RANBP2: variants seen among roughly 807,000 people sequenced by gnomAD.
RANBP2 encodes the protein E3 SUMO-protein ligase RanBP2.
A neutral mutation model predicts 303.6 loss-of-function variants in RANBP2; 57 were observed. That is an observed-to-expected ratio of 0.19 (90% confidence interval 0.15 to 0.23). RANBP2 has a LOEUF of 0.23. RANBP2 is among the 10% of genes least tolerant of loss of function. The pLI, the probability that RANBP2 is intolerant of heterozygous loss-of-function variation, is 1.00. For missense variants in RANBP2, 3,138 were observed against 3,780.8 expected, an observed-to-expected ratio of 0.83 and a Z score of 4.46; for synonymous variants, 1,167 against 1,301.5, an observed-to-expected ratio of 0.90 and a Z score of 2.23.
chr2:109,605,077 C>T, the RANBP2 span: 2 of 152,276 alleles, frequency 1.3e-5, no homozygotes, highest in South Asian at 2.1e-4. Flanking sequence ...AACAAATATA[C>T]GTGGCCCAGT....
the RANBP2 span, among the ~76,000 whole-genome samples, chr2:109,025,378 T>C: frequency 3.3e-5 from 5 of 152,356 alleles, no homozygotes; most frequent in African/African-American, 9.6e-5. Context: ...GGAGTTTCTA[T>C]TCTTTTTATG....
In RANBP2 at chr2:108,766,377, A is replaced by C; in HGVS notation, c.5838A>C (p.Thr1946=). ...VIFGQTSSTF[T]FADLAKSTSG... is the part of the protein sequence containing the mutation. The stretch of plus-strand genomic sequence containing the variant: ...TTGGCCAAACAAGTAGCACTTTTAC[A>C]TTTGCAGATCTTGCAAAATCAACTT... The change falls in exon 20 of 29, where the codon ACA becomes ACC. Residue 1946 remains threonine (T), a synonymous_variant. Transcript: ENST00000283195. The C allele has an allele frequency of 1.9e-6, 3 of 1,611,996 alleles. No individual in the cohort carries two copies. Among genetic ancestry groups the C allele is most frequent in the Non-Finnish European group, 2.5e-6 (3 of 1,179,850 alleles).
At chr2:108,937,707 ATGTGTGTGTATG>A in the RANBP2 span, among the ~76,000 whole-genome samples, 3 of 148,886 alleles carry the variant, frequency 2.0e-5, no homozygotes, top group Non-Finnish European at 4.4e-5. Context: ...GTGTGAGTGT[ATGTGTGTGTATG>A]TGTGTGTGTA....
chr2:109,688,150 G>A, the RANBP2 span, among the ~76,000 whole-genome samples: 3 of 152,094 alleles, frequency 2.0e-5, no homozygotes, highest in Admixed American at 1.3e-4. Flanking sequence ...TGGAGTGTAC[G>A]TTCTGTTTGG....
At chr2:109,559,478 CCTTT>C in the RANBP2 span, among the ~76,000 whole-genome samples, 3 of 152,166 alleles carry the variant, frequency 2.0e-5, no homozygotes, top group Non-Finnish European at 4.4e-5. Context: ...GAAGAATCTC[CCTTT>C]CTAATTTCCC....
chr2:109,188,385 G>A, the RANBP2 span, among the ~76,000 whole-genome samples: 1 of 152,200 alleles, frequency 6.6e-6, no homozygotes, highest in Non-Finnish European at 1.5e-5. Context: ...GGGTTGCATG[G>A]GAGGCTGCTG....
the RANBP2 span, among the ~76,000 whole-genome samples, chr2:109,284,350 A>C: frequency 6.6e-6 from 1 of 152,258 alleles, no homozygotes; most frequent in African/African-American, 2.4e-5. Flanking sequence ...GATAGCAACC[A>C]AAATTATCAG....
the RANBP2 span, among the ~76,000 whole-genome samples, chr2:109,443,153 C>T: frequency 3.3e-5 from 5 of 152,232 alleles, no homozygotes; most frequent in Admixed American, 6.5e-5. Flanking sequence ...GGTGTGTACA[C>T]ATATCTCACA....
Position 108,719,634 on chromosome 2 carries a change from C to T in RANBP2, c.28C>T (p.Arg10Trp). 2.5e-6 allele frequency: 4 copies of T among 1,608,134 alleles called. No individual in the cohort carries two copies. Among genetic ancestry groups the T allele is most frequent in the Admixed American group, 1.7e-5 (1 of 59,428 alleles). ...GAGGCGCAGCAAGGCTGACGTGGAG[C>T]GGTACATCGCCTCGGTGCAGGGCTC... is the stretch of plus-strand genomic sequence containing the variant. The part of the protein sequence containing the change: MRRSKADVE[R>W]YIASVQGSTP... The change falls in exon 1 of 29, where the codon CGG becomes TGG. Residue 10 changes from arginine (R) to tryptophan (W), a missense_variant. By Grantham distance (101) the Arg-to-Trp change is moderately radical. Coordinates refer to ENST00000283195, the MANE Select transcript of RANBP2 (RefSeq NM_006267.5).
chr2:108,940,539 T>C, the RANBP2 span, among the ~76,000 whole-genome samples: 1 of 152,106 alleles, frequency 6.6e-6, no homozygotes, highest in African/African-American at 2.4e-5. Context: ...GGGCCATGCC[T>C]GAGCCCCAGA....
At chr2:109,659,835 T>G in the RANBP2 span, among the ~76,000 whole-genome samples, 1 of 152,150 alleles carries the variant, frequency 6.6e-6, no homozygotes, top group Non-Finnish European at 1.5e-5. Flanking sequence ...CTGGGAGGGC[T>G]GATGGTCCAG....
the RANBP2 span, among the ~76,000 whole-genome samples, chr2:108,842,682 C>T: frequency 6.6e-6 from 1 of 152,152 alleles, no homozygotes; most frequent in Middle Eastern, 3.4e-3. Flanking sequence ...TTGTCTAAGG[C>T]AGATATCTGA....
chr2:109,098,622 T>A, the RANBP2 span, among the ~76,000 whole-genome samples: 1 of 152,240 alleles, frequency 6.6e-6, no homozygotes, highest in Non-Finnish European at 1.5e-5. Flanking sequence ...CTCAGCTCAT[T>A]GGAACACATC....
chr2:109,141,238 T>C, the RANBP2 span, among the ~76,000 whole-genome samples: 13 of 152,320 alleles, frequency 8.5e-5, no homozygotes, highest in Admixed American at 2.0e-4. Flanking sequence ...TCAGTGACCC[T>C]TCCTCACTCT....
At chr2:109,453,388 T>G in the RANBP2 span, among the ~76,000 whole-genome samples, 3 of 152,368 alleles carry the variant, frequency 2.0e-5, no homozygotes, top group Admixed American at 2.0e-4. Flanking sequence ...AAAAATGAAT[T>G]TTGTGCTTGA....
chr2:109,365,653 T>G, the RANBP2 span, among the ~76,000 whole-genome samples: 1 of 152,222 alleles, frequency 6.6e-6, no homozygotes, highest in Non-Finnish European at 1.5e-5. Context: ...TGATAGTTAC[T>G]GTGGCGGTTG....
At chr2:109,117,995 C>G in the RANBP2 span, among the ~76,000 whole-genome samples, 1 of 152,210 alleles carries the variant, frequency 6.6e-6, no homozygotes, top group Admixed American at 6.5e-5. Context: ...ACCTGGCTCA[C>G]TCTCCAGGGT....
At position 108,764,747 on chromosome 2, in the gene RANBP2, A is replaced by G. The variant is rs747563481; in HGVS notation, c.4208A>G (p.Asn1403Ser). 3.7e-6 allele frequency: 6 copies of G among 1,614,064 alleles called. No homozygotes were observed. The highest frequency in any genetic ancestry group is 2.2e-5 in the South Asian group (2 of 91,086). ...TVFTPKTSPE[N>S]VQDRFALVTP... Reference sequence around the variant, plus strand: ...TTTACTCCTAAAACCAGCCCAGAGAATGTTCAAGATCGATTTGCATTGGTG... The same window carrying G: ...TTTACTCCTAAAACCAGCCCAGAGAGTGTTCAAGATCGATTTGCATTGGTG... Residue 1403 changes from asparagine to serine, a missense_variant, in exon 20 of 29, where the codon AAT (asparagine) becomes AGT (serine). This residue lies in a region of RANBP2 where 388 missense variants were observed against 328.5 expected (regional missense o/e 1.18). Coordinates refer to ENST00000283195, the MANE Select transcript of RANBP2 (RefSeq NM_006267.5).
chr2:108,944,101 T>C, the RANBP2 span, among the ~76,000 whole-genome samples: 29 of 152,350 alleles, frequency 1.9e-4, no homozygotes, highest in African/African-American at 6.7e-4. Context: ...TTTCTGTCTC[T>C]GTTCGGCAGG....
Sources: allele counts gnomAD v4.1 joint callset (sites outside exome capture counted in the v4.1 genomes callset), GRCh38; gene constraint gnomAD v4.1.1; regional missense constraint gnomAD v4.1.1; transcripts MANE v1.5; gene names NCBI Gene and HGNC (gene_info 2026-07-23, HGNC 2026-07-21).